RBFOX1: variants seen among roughly 807,000 people sequenced by gnomAD.
RBFOX1 encodes the protein RNA binding fox-1 homolog 1, also known as RNA binding protein fox-1 homolog 1.
RBFOX1 carries 8 observed loss-of-function variants against 57.7 expected under a neutral mutation model. The ratio of observed to expected loss-of-function variants is 0.14; its 90% CI spans 0.08 to 0.25. The LOEUF (loss-of-function observed/expected upper bound fraction) is 0.25, where lower values mean the gene tolerates loss of function less well. Ranked by LOEUF, RBFOX1 falls within the 10% of genes least tolerant of loss-of-function variation. The probability of loss-of-function intolerance (pLI) is 1.00; values close to 1 mark genes in which losing one functional copy is unlikely to be tolerated. For missense variants in RBFOX1, 611 were observed against 548.5 expected (o/e 1.11, Z -1.14); for synonymous variants, 326 against 222.4 (o/e 1.47, Z -4.15).
intron 1 of RBFOX1, among the ~76,000 whole-genome samples, chr16:6,313,465 G>A (rs2080637441): frequency 1.3e-5 from 2 of 152,174 alleles, no homozygotes; most frequent in Admixed American, 1.3e-4. Context: ...TATGGAAACA[G>A]AAACGTTGCA....
At position 7,069,215 on chromosome 16, in the gene RBFOX1, C is replaced by T. The variant is rs1046330360; in HGVS notation, c.27+17117C>T. On this transcript the variant is annotated intron_variant, in intron 4 of 15. Transcript: ENST00000550418. ...TTTTTTAATTATTGTTTTTTAAGTT[C>T]CAGGATACATGTGCAGGATGTGCAG... is the stretch of plus-strand genomic sequence containing the variant. 2.6e-5 allele frequency among the ~76,000 whole-genome samples: 4 copies of T among 152,164 alleles called. No homozygotes were observed. The East Asian group carries it at 7.7e-4, about 29-fold the overall frequency.
At chr16:7,523,800 G>T (rs935845915) in intron 5 of RBFOX1, among the ~76,000 whole-genome samples, 1 of 151,878 alleles carries the variant, frequency 6.6e-6, no homozygotes, top group African/African-American at 2.4e-5. Flanking sequence ...CCAAAAAGGA[G>T]ATGTGACTTT....
intron 4 of RBFOX1, among the ~76,000 whole-genome samples, chr16:7,204,248 C>T (rs577133655): frequency 6.6e-6 from 1 of 152,328 alleles, no homozygotes; most frequent in Admixed American, 6.5e-5. Context: ...ATCTCAGGCC[C>T]ACCCTAAACT....
chr16:5,579,591 G>A (rs897488445), intron 2 of RBFOX1, among the ~76,000 whole-genome samples: 2 of 152,004 alleles, frequency 1.3e-5, no homozygotes, highest in East Asian at 1.9e-4. Flanking sequence ...CTCAAACCAC[G>A]CCCTGGTGAC....
intron 4 of RBFOX1, among the ~76,000 whole-genome samples, chr16:7,259,613 T>C (rs1483602270): frequency 6.6e-6 from 1 of 152,138 alleles, no homozygotes; most frequent in Non-Finnish European, 1.5e-5. Flanking sequence ...CAACACTTTC[T>C]CTGTATTTTT....
intron 1 of RBFOX1, among the ~76,000 whole-genome samples, chr16:6,283,362 C>G (rs1374880169): frequency 2.0e-5 from 3 of 152,046 alleles, no homozygotes; most frequent in Non-Finnish European, 4.4e-5. Flanking sequence ...TAAATAATAT[C>G]CTTAAGCCTA....
intron 4 of RBFOX1, among the ~76,000 whole-genome samples, chr16:7,453,262 G>A (rs67010016): frequency 5.3e-5 from 8 of 151,832 alleles, no homozygotes; most frequent in Non-Finnish European, 1.2e-4. Context: ...TATGAGAGTA[G>A]CATTCCAGGC....
At chr16:7,352,665 G>A (rs1413193967) in intron 4 of RBFOX1, among the ~76,000 whole-genome samples, 1 of 152,074 alleles carries the variant, frequency 6.6e-6, no homozygotes, top group Non-Finnish European at 1.5e-5. Context: ...TCTGAAGGAT[G>A]CACTCTTGTC....
chr16:5,956,158 C>G (rs1597952247), intron 4 of RBFOX1, among the ~76,000 whole-genome samples: 2 of 152,062 alleles, frequency 1.3e-5, no homozygotes, highest in African/African-American at 4.8e-5. Context: ...CACCTGTACC[C>G]TCAGCTGCTC....
At position 6,978,234 on chromosome 16, in the gene RBFOX1, G is replaced by A. The variant is rs116167436; in HGVS notation, c.-15-73823G>A. On this transcript the variant is annotated intron_variant, in intron 3 of 15. Coordinates refer to ENST00000550418, the MANE Select transcript of RBFOX1 (RefSeq NM_018723.4). Reference sequence around the variant, plus strand: ...GTTCGAAATGCTTCTTGAAAAACAAGTTTCTAGCCTTGGAGAGCGTGGCTT... The same window carrying A: ...GTTCGAAATGCTTCTTGAAAAACAAATTTCTAGCCTTGGAGAGCGTGGCTT... 7.7e-3 allele frequency among the ~76,000 whole-genome samples: 1,174 copies of A among 152,300 alleles called. 13 individuals carry two copies. The highest frequency in any genetic ancestry group is 0.027 in the African/African-American group (1,132 of 41,564).
chr16:6,881,690 A>G (rs538505944), intron 3 of RBFOX1, among the ~76,000 whole-genome samples: 1 of 152,272 alleles, frequency 6.6e-6, no homozygotes, highest in East Asian at 1.9e-4. Context: ...TTAAGACTTC[A>G]ACGTCTTAAC....
chr16:7,565,006 C>T (rs1199337498), intron 5 of RBFOX1, among the ~76,000 whole-genome samples: 1 of 152,088 alleles, frequency 6.6e-6, no homozygotes, highest in African/African-American at 2.4e-5. Context: ...TTAACTACAT[C>T]CAAAGCTGTG....
In RBFOX1 at chr16:5,757,784, T is replaced by G. The variant is rs1597126452; in HGVS notation, c.319-109519T>G. Among the ~76,000 whole-genome samples, 3 of 152,344 alleles carry G rather than the reference T, an allele frequency of 2.0e-5. 1 individual carries two copies. The East Asian group carries it at 5.8e-4, about 29-fold the overall frequency. On this transcript the variant is annotated intron_variant, in intron 3 of 19. Transcript: ENST00000641259. ...TGAAAAGGTTAAGTAGACTTGCTAGTAAGTGGAGGAGCAGATTCTTCAGCT... is the reference window on the plus strand; with the variant it reads ...TGAAAAGGTTAAGTAGACTTGCTAGGAAGTGGAGGAGCAGATTCTTCAGCT...
chr16:7,546,630 GT>G (rs2084633983), intron 5 of RBFOX1, among the ~76,000 whole-genome samples: 1 of 152,160 alleles, frequency 6.6e-6, no homozygotes, highest in South Asian at 2.1e-4. Flanking sequence ...CTGCTATACT[GT>G]TTTGTGGATT....
chr16:7,246,603 C>G (rs908002978), intron 4 of RBFOX1, among the ~76,000 whole-genome samples: 3 of 138,482 alleles, frequency 2.2e-5, no homozygotes, highest in Non-Finnish European at 4.7e-5. Context: ...TGTTGCACAT[C>G]TATTTATTGT....
downstream of RBFOX1, among the ~76,000 whole-genome samples, chr16:5,603,228 T>A (rs556320944): frequency 5.3e-5 from 8 of 152,204 alleles, no homozygotes; most frequent in African/African-American, 9.7e-5. Flanking sequence ...ACAGCTAGCA[T>A]CTTTGGGAAC....
chr16:6,486,540 G>T (rs534732320), intron 2 of RBFOX1, among the ~76,000 whole-genome samples: 1 of 152,026 alleles, frequency 6.6e-6, no homozygotes, highest in Admixed American at 6.6e-5. Flanking sequence ...GTAAGTTCTT[G>T]GAAAGTAATT....
chr16:6,898,779 G>C (rs1567779072), intron 3 of RBFOX1, among the ~76,000 whole-genome samples: 1 of 151,822 alleles, frequency 6.6e-6, no homozygotes, highest in Admixed American at 6.6e-5. Flanking sequence ...ACATGCATCT[G>C]TGTGTATGCA....
intron 3 of RBFOX1, among the ~76,000 whole-genome samples, chr16:7,044,174 T>C (rs1371882676): frequency 6.6e-6 from 1 of 152,142 alleles, no homozygotes; most frequent in Non-Finnish European, 1.5e-5. Context: ...TATGTATATG[T>C]GCATGTGTGG....
Sources: gnomAD v4.1 joint callset for allele counts (sites outside exome capture counted in the v4.1 genomes callset) on GRCh38, gnomAD v4.1.1 for gene constraint, MANE v1.5 for transcripts, NCBI Gene and HGNC (gene_info 2026-07-23, HGNC 2026-07-21) for gene names.